LRP1B: variants seen among roughly 807,000 people sequenced by gnomAD.
LRP1B encodes LDL receptor related protein 1B.
LRP1B carries 217 observed loss-of-function variants against 556.6 expected under a neutral mutation model. The ratio of observed to expected loss-of-function variants is 0.39; its 90% CI spans 0.35 to 0.44. The LOEUF (loss-of-function observed/expected upper bound fraction) is 0.44. LRP1B is among the 20% of genes least tolerant of loss of function. The probability of loss-of-function intolerance (pLI) is 1.00; values close to 1 mark genes in which losing one functional copy is unlikely to be tolerated. For missense variants in LRP1B, 5,053 were observed against 5,620.8 expected (o/e 0.90, Z 3.23); for synonymous variants, 2,047 against 1,865.8 (o/e 1.10, Z -2.50).
intron 2 of LRP1B, among the ~76,000 whole-genome samples, chr2:141,659,159 C>A (rs1690120530): frequency 6.6e-6 from 1 of 152,134 alleles, no homozygotes; most frequent in African/African-American, 2.4e-5. Flanking sequence ...TCACCTCGGC[C>A]TCCCAAAGTG....
At chr2:141,849,316 G>A (rs953427904) in intron 1 of LRP1B, among the ~76,000 whole-genome samples, 1 of 151,480 alleles carries the variant, frequency 6.6e-6, no homozygotes, top group African/African-American at 2.4e-5. Flanking sequence ...TTGTTGCATT[G>A]TCAGAATATT....
chr2:141,076,020 C>A (rs1025284891), intron 7 of LRP1B, among the ~76,000 whole-genome samples: 1 of 152,132 alleles, frequency 6.6e-6, no homozygotes, highest in African/African-American at 2.4e-5. Flanking sequence ...ATCAAGATTT[C>A]TTTGTTCAGT....
intron 3 of LRP1B, among the ~76,000 whole-genome samples, chr2:141,429,432 T>C (rs1680486667): frequency 2.0e-5 from 3 of 152,180 alleles, no homozygotes; most frequent in Non-Finnish European, 2.9e-5. Flanking sequence ...AATTCCAGGT[T>C]GATTACTTTT....
intron 35 of LRP1B, among the ~76,000 whole-genome samples, chr2:140,730,337 G>C (rs921662527): frequency 6.6e-6 from 1 of 152,074 alleles, no homozygotes; most frequent in African/African-American, 2.4e-5. Flanking sequence ...ATGAAGTCCA[G>C]GTTCTTTAGT....
rs148387432 is a variant in LRP1B, at chr2:140,358,477, G to A, written c.11257+344C>T. On this transcript the variant is annotated intron_variant, in intron 73 of 90. Coordinates refer to ENST00000389484, the MANE Select transcript of LRP1B (RefSeq NM_018557.3). ...TTGCATTAAAAACTTTTTGAACTTC[G>A]GAATTCAGAAAAAAGAATTGCATAG... Among the ~76,000 whole-genome samples, 584 of 151,302 alleles carry A rather than the reference G, an allele frequency of 3.9e-3. 5 individuals carry two copies. The highest frequency in any genetic ancestry group is 0.013 in the African/African-American group (558 of 41,346).
intron 3 of LRP1B, among the ~76,000 whole-genome samples, chr2:141,476,468 G>A (rs1379549831): frequency 1.3e-5 from 2 of 152,108 alleles, no homozygotes; most frequent in African/African-American, 4.8e-5. Flanking sequence ...GAAGTACTGT[G>A]TAGAAAGAGA....
At chr2:141,747,011 AG>A (rs1425535432) in intron 2 of LRP1B, among the ~76,000 whole-genome samples, 11 of 152,180 alleles carry the variant, frequency 7.2e-5, no homozygotes, top group African/African-American at 2.7e-4. Flanking sequence ...GAAAAGCCAA[AG>A]ATTTGTAAAA....
At chr2:141,791,250 T>C (rs1170318310) in intron 2 of LRP1B, among the ~76,000 whole-genome samples, 2 of 151,970 alleles carry the variant, frequency 1.3e-5, no homozygotes, top group African/African-American at 4.8e-5. Flanking sequence ...ATTATGAAAT[T>C]GTACTAAAAC....
At chr2:140,747,688 G>C (rs567375442) in intron 35 of LRP1B, among the ~76,000 whole-genome samples, 6 of 152,156 alleles carry the variant, frequency 3.9e-5, no homozygotes, top group African/African-American at 1.4e-4. Flanking sequence ...GGTTGGAATA[G>C]GTAAGGTCTT....
intron 18 of LRP1B, among the ~76,000 whole-genome samples, chr2:140,981,728 G>C (rs961948492): frequency 2.0e-5 from 3 of 152,086 alleles, no homozygotes; most frequent in Non-Finnish European, 4.4e-5. Context: ...TGTAATCTCA[G>C]TCTGAATCAT....
In LRP1B at chr2:141,788,145, C is replaced by T. The variant is rs78431152; in HGVS notation, c.205+22134G>A. Among the ~76,000 whole-genome samples the T allele has an allele frequency of 3.7e-3, 555 of 152,000 alleles. 4 individuals carry two copies. The highest frequency in any genetic ancestry group is 0.012 in the African/African-American group (518 of 41,478). The stretch of plus-strand genomic sequence containing the variant: ...CCTCTACAAGATTTATGTGACAGGC[C>T]CATATTTATAAATCTCCAAAGAAAG... On this transcript the variant is annotated intron_variant, in intron 2 of 90. Transcript: ENST00000389484.
intron 2 of LRP1B, among the ~76,000 whole-genome samples, chr2:141,658,221 T>A (rs952172165): frequency 1.3e-4 from 20 of 152,234 alleles, no homozygotes; most frequent in African/African-American, 4.8e-4. Flanking sequence ...CAGCTAGAAG[T>A]TCTGATATCC....
intron 41 of LRP1B, among the ~76,000 whole-genome samples, chr2:140,668,069 T>A (rs559483443): frequency 1.3e-5 from 2 of 152,190 alleles, no homozygotes; most frequent in Non-Finnish European, 2.9e-5. Context: ...TCCCAGCACT[T>A]TGGGAGGCCG....
At chr2:140,634,165 TAATC>T (rs1683992742) in intron 41 of LRP1B, among the ~76,000 whole-genome samples, 1 of 152,074 alleles carries the variant, frequency 6.6e-6, no homozygotes, top group Admixed American at 6.5e-5. Context: ...CAATCAATAT[TAATC>T]CACCACATTA....
intron 75 of LRP1B, 60 bp from the exon 76 acceptor site, chr2:140,353,132 C>A (rs1682051297): frequency 6.4e-7 from 1 of 1,564,634 alleles, no homozygotes; most frequent in Non-Finnish European, 8.6e-7. Flanking sequence ...CCTATTCTTA[C>A]CACGTTTCAA....
intron 86 of LRP1B, among the ~76,000 whole-genome samples, chr2:140,264,073 T>G (rs991048819): frequency 5.3e-5 from 8 of 152,126 alleles, no homozygotes; most frequent in Non-Finnish European, 1.2e-4. Flanking sequence ...GGCTTACAGA[T>G]AGCTGCCTTC....
intron 86 of LRP1B, among the ~76,000 whole-genome samples, chr2:140,249,546 T>C (rs1281066952): frequency 1.3e-5 from 2 of 151,688 alleles, no homozygotes; most frequent in African/African-American, 4.8e-5. Flanking sequence ...TGGAAAAAAC[T>C]CAAAGACTGT....
At chr2:141,257,171 G>T (rs1684498554) in intron 3 of LRP1B, among the ~76,000 whole-genome samples, 1 of 152,090 alleles carries the variant, frequency 6.6e-6, no homozygotes, top group African/African-American at 2.4e-5. Context: ...GATTGAGGGT[G>T]TTAAAAAGCA....
intron 66 of LRP1B, among the ~76,000 whole-genome samples, chr2:140,421,370 T>G (rs1685435094): frequency 1.3e-5 from 2 of 152,218 alleles, no homozygotes; most frequent in African/African-American, 4.8e-5. Context: ...GATGCTATGA[T>G]TTTGTGCAAA....
Sources: allele counts gnomAD v4.1 joint callset (sites outside exome capture counted in the v4.1 genomes callset), GRCh38; gene constraint gnomAD v4.1.1; transcripts MANE v1.5; gene names NCBI Gene and HGNC (gene_info 2026-07-23, HGNC 2026-07-21).